The following SERAC1 variants were observed in gnomAD, a reference collection of about 807,000 sequenced individuals.
The protein encoded by SERAC1 is protein SERAC1.
A neutral mutation model predicts 85.7 loss-of-function variants in SERAC1; 36 were observed. That is an observed-to-expected ratio of 0.42 (90% CI 0.32 to 0.55). The LOEUF (loss-of-function observed/expected upper bound fraction) is 0.55, where lower values mean the gene tolerates loss of function less well. Ranked by LOEUF, SERAC1 falls within the 20% of genes least tolerant of loss-of-function variation. SERAC1 has a pLI of 0.11. For synonymous variants in SERAC1, 242 were observed against 265.3 expected (o/e 0.91, Z 0.85); for missense variants, 629 against 796.2 (o/e 0.79, Z 2.53).
At chr6:158,138,011 GGTGAAT>G (rs1784832677) in intron 8 of SERAC1, among the ~76,000 whole-genome samples, 1 of 152,168 alleles carries the variant, frequency 6.6e-6, no homozygotes, top group Non-Finnish European at 1.5e-5. Context: ...TCTCCAAGGC[GGTGAAT>G]GTTAAAACAC....
chr6:158,129,243 A>T (rs1409514814), intron 9 of SERAC1, among the ~76,000 whole-genome samples: 2 of 152,200 alleles, frequency 1.3e-5, no homozygotes, highest in Non-Finnish European at 2.9e-5. Context: ...CTGTACTACA[A>T]CACCTTATTC....
intron 6 of SERAC1, among the ~76,000 whole-genome samples, chr6:158,144,908 C>T (rs781705732): frequency 6.6e-6 from 1 of 152,164 alleles, no homozygotes; most frequent in African/African-American, 2.4e-5. Flanking sequence ...AAACAAAATT[C>T]CAACCATGAA....
rs1554261079 is a variant in SERAC1 at position 158,114,896 on chromosome 6, C to T, written c.1577G>A (p.Gly526Glu). The change falls in exon 15 of 17, where the codon GGA becomes GAA. Residue 526 changes from glycine (G) to glutamate (E), a missense_variant. Gly to Glu is a moderately conservative substitution (Grantham distance 98). Coordinates refer to ENST00000647468, the MANE Select transcript of SERAC1 (RefSeq NM_032861.4). ...EMSTVINNTR[G>E]IIFYSVPHHG... Reference sequence around the variant, plus strand: ...ATGAGGGACACTATAAAAAATTATTCCTCTGGTATTGTTGATAACAGTACT... The same window carrying T: ...ATGAGGGACACTATAAAAAATTATTTCTCTGGTATTGTTGATAACAGTACT... 1.9e-6 allele frequency: 3 copies of T among 1,613,902 alleles called. No homozygotes were observed. The highest frequency in any genetic ancestry group is 2.5e-6 in the Non-Finnish European group (3 of 1,179,906).
chr6:158,131,014 G>A (rs916692857), intron 8 of SERAC1, among the ~76,000 whole-genome samples: 2 of 151,920 alleles, frequency 1.3e-5, no homozygotes, highest in African/African-American at 2.4e-5. Context: ...AACAAAAATC[G>A]TTACAAAAAT....
intron 14 of SERAC1, among the ~76,000 whole-genome samples, chr6:158,115,751 G>A (rs540419901): frequency 6.6e-6 from 1 of 152,242 alleles, no homozygotes; most frequent in Non-Finnish European, 1.5e-5. Flanking sequence ...TGGGCCTGGT[G>A]TGAGCAGGCA....
intron 8 of SERAC1, among the ~76,000 whole-genome samples, chr6:158,133,479 G>A (rs952947768): frequency 6.7e-6 from 1 of 149,294 alleles, no homozygotes; most frequent in Non-Finnish European, 1.5e-5. Context: ...TCCGCCTCCC[G>A]GGTTCAAGTT....
intron 6 of SERAC1, chr6:158,146,114 A>C (rs1429842615): frequency 6.6e-6 from 1 of 152,234 alleles, no homozygotes; most frequent in Admixed American, 6.5e-5. Flanking sequence ...TACTTCATTA[A>C]ATAGAAACCA....
intron 2 of SERAC1, among the ~76,000 whole-genome samples, chr6:158,156,859 A>T (rs921424022): frequency 8.6e-6 from 1 of 116,770 alleles, no homozygotes; most frequent in African/African-American, 3.4e-5. Flanking sequence ...ATATATAATA[A>T]ATATTAATAT....
intron 13 of SERAC1, 57 bp from the exon 14 acceptor site, chr6:158,116,339 T>C: frequency 4.9e-6 from 7 of 1,418,674 alleles, no homozygotes; most frequent in Non-Finnish European, 7.0e-6. Context: ...CTCAATTTGC[T>C]GTCTAATTTT....
chr6:158,143,799 T>G (rs1413966854), intron 7 of SERAC1, among the ~76,000 whole-genome samples: 3 of 152,110 alleles, frequency 2.0e-5, no homozygotes, highest in Non-Finnish European at 4.4e-5. Context: ...TATGGCAGTG[T>G]TTCTCAACCA....
At chr6:158,134,394 G>C (rs1784746490) in intron 8 of SERAC1, among the ~76,000 whole-genome samples, 1 of 152,130 alleles carries the variant, frequency 6.6e-6, no homozygotes, top group African/African-American at 2.4e-5. Flanking sequence ...GGCTAGAACA[G>C]GGAAAGTCTA....
chr6:158,160,022 G>A (rs763630722), intron 1 of SERAC1, among the ~76,000 whole-genome samples: 2 of 152,192 alleles, frequency 1.3e-5, no homozygotes, highest in Non-Finnish European at 1.5e-5. Context: ...TCTTTGTTGC[G>A]AGCAGAATAT....
rs1029436763 is a variant in SERAC1 at position 158,115,024 on chromosome 6, A to G, written c.1502-53T>C. ...TGCATAAGCTATTTTCCTTCCCTTTATTACTGTAAAAAAAGAAAAGGCCAA... is the reference window on the plus strand; with the variant it reads ...TGCATAAGCTATTTTCCTTCCCTTTGTTACTGTAAAAAAAGAAAAGGCCAA... On this transcript the variant is annotated intron_variant, in intron 14 of 16. Coordinates refer to ENST00000647468, the MANE Select transcript of SERAC1 (RefSeq NM_032861.4). 2.0e-6 allele frequency: 3 copies of G among 1,532,890 alleles called. No homozygotes were observed. The African/African-American group carries it at 4.2e-5, about 21-fold the overall frequency. The allele number at this position is 1,532,890 out of a possible 1,614,324, so 95.0% of individuals were successfully genotyped here.
At chr6:158,142,078 T>C (rs930196752) in intron 8 of SERAC1, among the ~76,000 whole-genome samples, 17 of 152,162 alleles carry the variant, frequency 1.1e-4, no homozygotes, top group Non-Finnish European at 2.4e-4. Flanking sequence ...CTTAGAGATA[T>C]GAGATTTTTA....
intron 3 of SERAC1, among the ~76,000 whole-genome samples, chr6:158,154,719 C>A (rs1785284759): frequency 6.6e-6 from 1 of 152,186 alleles, no homozygotes; most frequent in South Asian, 2.1e-4. Flanking sequence ...AATTTCCTTT[C>A]ATGCGAGCTT....
intron 8 of SERAC1, among the ~76,000 whole-genome samples, chr6:158,137,366 TTTTTTG>T (rs1784818027): frequency 9.3e-6 from 1 of 107,188 alleles, no homozygotes; most frequent in Admixed American, 7.9e-5. Context: ...GCATTCGTTG[TTTTTTG>T]TTTGTTTGTT....
Position 158,143,301 on chromosome 6 carries a change from G to C in SERAC1, c.610-117C>G, listed in dbSNP as rs983375070. 5.4e-6 allele frequency: 5 copies of C among 918,248 alleles called. No homozygotes were observed. In the African/African-American group the frequency reaches 7.1e-5, roughly 13 times the overall value. 56.9% of individuals were successfully genotyped at this position (918,248 alleles called of 1,614,324 possible). A position where few individuals can be genotyped will look rare whatever the true frequency, so the allele number is the denominator to read the frequency against. ...TATATCAAAGCCATATATTATGTGT[G>C]CATGTCTCTCTCTCTCTCTCTCTCT... On this transcript the variant is annotated intron_variant, in intron 7 of 16. Coordinates refer to ENST00000647468, the MANE Select transcript of SERAC1 (RefSeq NM_032861.4).
chr6:158,139,602 G>A (rs930807047), intron 8 of SERAC1, among the ~76,000 whole-genome samples: 1 of 152,220 alleles, frequency 6.6e-6, no homozygotes, highest in Non-Finnish European at 1.5e-5. Flanking sequence ...GCTCACACCT[G>A]TAGCCTCAGC....
chr6:158,142,770 C>T (rs1445907776), intron 8 of SERAC1, among the ~76,000 whole-genome samples: 1 of 152,172 alleles, frequency 6.6e-6, no homozygotes, highest in Admixed American at 6.5e-5. Context: ...CCACTGCGCC[C>T]GGCCCTCATT....
Sources: gnomAD v4.1 joint callset for allele counts (sites outside exome capture counted in the v4.1 genomes callset) on GRCh38, gnomAD v4.1.1 for gene constraint, MANE v1.5 for transcripts, NCBI Gene and HGNC (gene_info 2026-07-23, HGNC 2026-07-21) for gene names.